Variants in MYT1L observed in about 807,000 individuals in gnomAD.
MYT1L encodes the protein myelin transcription factor 1-like protein.
Under a neutral mutation model 126.7 loss-of-function variants are expected in MYT1L, and 12 were observed. The ratio of observed to expected loss-of-function variants is 0.09; its 90% CI spans 0.06 to 0.15. MYT1L has a LOEUF of 0.15. MYT1L is among the 10% of genes least tolerant of loss of function. The pLI is 1.00. For missense variants in MYT1L, 979 were observed against 1,585.2 expected (o/e 0.62, Z 6.49); for synonymous variants, 541 against 604.2 (o/e 0.90, Z 1.53).
chr2:2,229,426 C>T (rs1225218657), intron 2 of MYT1L, among the ~76,000 whole-genome samples: 1 of 151,904 alleles, frequency 6.6e-6, no homozygotes, highest in Non-Finnish European at 1.5e-5. Context: ...AAGATAGTCT[C>T]ATAGGATTTC....
intron 4 of MYT1L, among the ~76,000 whole-genome samples, chr2:2,021,504 T>C (rs2065026623): frequency 6.6e-6 from 1 of 152,148 alleles, no homozygotes; most frequent in Non-Finnish European, 1.5e-5. Context: ...TGGAGAACAT[T>C]TATGAGGACA....
At chr2:2,196,845 C>A (rs1461145751) in intron 2 of MYT1L, among the ~76,000 whole-genome samples, 1 of 151,870 alleles carries the variant, frequency 6.6e-6, no homozygotes, top group East Asian at 1.9e-4. Flanking sequence ...CTGGAGAATG[C>A]AACCCATTAA....
chr2:1,882,946 A>C (rs915027212), intron 18 of MYT1L, among the ~76,000 whole-genome samples: 10 of 152,234 alleles, frequency 6.6e-5, no homozygotes, highest in African/African-American at 2.4e-4. Context: ...AAGATGTGTT[A>C]GATGTGGCTA....
At chr2:2,260,656 TA>T (rs1436007324) in intron 2 of MYT1L, among the ~76,000 whole-genome samples, 2 of 149,534 alleles carry the variant, frequency 1.3e-5, no homozygotes, top group African/African-American at 2.5e-5. Flanking sequence ...GCTGGTGAAT[TA>T]TTTTTTTTTT....
At chr2:1,996,408 A>G (rs1327508649) in intron 5 of MYT1L, among the ~76,000 whole-genome samples, 27 of 111,112 alleles carry the variant, frequency 2.4e-4, no homozygotes, top group Admixed American at 2.9e-4. Context: ...CTCAGTGTGG[A>G]CTGCACAGAA....
chr2:2,147,269 G>C (rs932348915), intron 3 of MYT1L, among the ~76,000 whole-genome samples: 3 of 152,226 alleles, frequency 2.0e-5, no homozygotes, highest in African/African-American at 4.8e-5. Context: ...GTCTGTGTCA[G>C]AGCGTTGGTG....
rs573924705 is a variant in MYT1L, at chr2:2,083,968, G to A, written c.-303-29845C>T. Among the ~76,000 whole-genome samples, 34 of 150,566 alleles carry A rather than the reference G, an allele frequency of 2.3e-4. No homozygotes were observed. The South Asian group carries it at 6.7e-3, about 30-fold the overall frequency. ...ACAGAAAATTCAGTTCTTAGAGGGA[G>A]GGAGACCACTCCATCAGTAAGCCCA... On this transcript the variant is annotated intron_variant, in intron 3 of 24. Coordinates refer to ENST00000647738, the MANE Select transcript of MYT1L (RefSeq NM_001303052.2).
At chr2:1,892,599 G>A (rs1022746178) in intron 14 of MYT1L, among the ~76,000 whole-genome samples, 3 of 147,716 alleles carry the variant, frequency 2.0e-5, no homozygotes, top group Non-Finnish European at 4.4e-5. Flanking sequence ...CTGGTCCCTC[G>A]AAAGACAGAC....
intron 3 of MYT1L, among the ~76,000 whole-genome samples, chr2:2,087,812 T>G (rs991257769): frequency 6.6e-6 from 1 of 152,118 alleles, no homozygotes; most frequent in African/African-American, 2.4e-5. Context: ...ACCATGACAT[T>G]CAAAACTAAT....
intron 8 of MYT1L, among the ~76,000 whole-genome samples, chr2:1,961,228 A>G (rs925581893): frequency 1.3e-5 from 2 of 152,236 alleles, no homozygotes; most frequent in African/African-American, 4.8e-5. Context: ...TACGCAGGTG[A>G]CGGTTACACT....
Position 1,889,972 on chromosome 2 carries a change from T to A in MYT1L, c.2284-495A>T, listed in dbSNP as rs2048647391. On this transcript the variant is annotated intron_variant, in intron 15 of 24. Coordinates refer to ENST00000647738, the MANE Select transcript of MYT1L (RefSeq NM_001303052.2). The surrounding 1 kb of genome is among the most constrained non-coding windows in gnomAD (Gnocchi z 4.1). ...TCAGCTTAAAAATTCTCTTTTTTATTGATGCTAATAGTTCAAGAATTAGGG... is the reference window on the plus strand; with the variant it reads ...TCAGCTTAAAAATTCTCTTTTTTATAGATGCTAATAGTTCAAGAATTAGGG... Among the ~76,000 whole-genome samples the A allele has an allele frequency of 6.6e-6, 1 of 152,164 alleles. No individual in the cohort carries two copies. The highest frequency in any genetic ancestry group is 2.1e-4 in the South Asian group (1 of 4,832).
chr2:2,008,751 C>T (rs987076860), intron 4 of MYT1L, among the ~76,000 whole-genome samples: 1 of 152,026 alleles, frequency 6.6e-6, no homozygotes, highest in Non-Finnish European at 1.5e-5. Flanking sequence ...AAAAGTGTTG[C>T]TGTGACCAAG....
Position 1,910,210 on chromosome 2 carries a change from G to A in MYT1L, c.1817+30C>T. 1 of 1,592,176 alleles carries A rather than the reference G, an allele frequency of 6.3e-7. No homozygotes were observed. Among genetic ancestry groups the A allele is most frequent in the Non-Finnish European group, 8.6e-7 (1 of 1,162,774 alleles). On this transcript the variant is annotated intron_variant, in intron 13 of 24. Transcript: ENST00000647738. This position sits in a 1 kb window ranked among gnomAD's most constrained non-coding sequence, Gnocchi z 4.8. Reference sequence around the variant, plus strand: ...AGGTGTGGGGCAGACTATGGATAGAGCTCACGGATGGTGCACTCCTGCTGG... The same window carrying A: ...AGGTGTGGGGCAGACTATGGATAGAACTCACGGATGGTGCACTCCTGCTGG...
chr2:1,931,088 T>A (rs1318167503), intron 9 of MYT1L, among the ~76,000 whole-genome samples: 6 of 152,334 alleles, frequency 3.9e-5, no homozygotes, highest in East Asian at 3.9e-4. Context: ...AAATGGCCTG[T>A]CATGGCCTCG....
In MYT1L at chr2:2,245,509, CA is replaced by C. The variant is rs201889079; in HGVS notation, c.-421+38894del. On this transcript the variant is annotated intron_variant, in intron 2 of 24. Transcript: ENST00000647738. Reference sequence around the variant, plus strand: ...GTATTATATTTTAATGCTACTTCTACAACTCATTCAAAGTGTAATGACAAAA... The same window carrying C: ...GTATTATATTTTAATGCTACTTCTACACTCATTCAAAGTGTAATGACAAAA... Among the ~76,000 whole-genome samples, 653 of 152,280 alleles carry C rather than the reference CA, an allele frequency of 4.3e-3. 3 individuals are homozygous for C. Among genetic ancestry groups the C allele is most frequent in the Non-Finnish European group, 6.0e-3 (411 of 68,032 alleles).
rs2044908800 is a variant in MYT1L at position 1,863,011 on chromosome 2, A to C, written c.2712-11308T>G. ...GAGGCTCACAACGCTGGAATGATCCAGGAGGCCAGGGATACAGGGCTGGCC... is the reference window on the plus strand; with the variant it reads ...GAGGCTCACAACGCTGGAATGATCCCGGAGGCCAGGGATACAGGGCTGGCC... On this transcript the variant is annotated intron_variant, in intron 18 of 24. Transcript: ENST00000647738. 2.0e-5 allele frequency among the ~76,000 whole-genome samples: 3 copies of C among 152,226 alleles called. No homozygotes were observed. In the South Asian group the frequency reaches 6.2e-4, roughly 32 times the overall value.
intron 9 of MYT1L, among the ~76,000 whole-genome samples, chr2:1,923,985 A>T (rs1005943246): frequency 1.3e-5 from 2 of 152,186 alleles, no homozygotes; most frequent in African/African-American, 4.8e-5. Flanking sequence ...TGAGAGAGAG[A>T]GAAAGCGTGC....
chr2:2,259,231 C>G (rs1285511565), intron 2 of MYT1L, among the ~76,000 whole-genome samples: 2 of 100,478 alleles, frequency 2.0e-5, no homozygotes, highest in Non-Finnish European at 1.9e-5. Flanking sequence ...ATATCACACT[C>G]TGGGGACTGT....
chr2:2,181,082 ATGTACCTG>A (rs1206624567), intron 2 of MYT1L, among the ~76,000 whole-genome samples: 2 of 147,224 alleles, frequency 1.4e-5, no homozygotes, highest in Non-Finnish European at 3.0e-5. Flanking sequence ...GTGCTTGTGT[ATGTACCTG>A]TGTACCTGTG....
Sources: gnomAD v4.1 joint callset for allele counts (sites outside exome capture counted in the v4.1 genomes callset) on GRCh38, gnomAD v4.1.1 for gene constraint, Gnocchi (gnomAD v3.1) non-coding constraint, MANE v1.5 for transcripts, NCBI Gene and HGNC (gene_info 2026-07-23, HGNC 2026-07-21) for gene names.